ARHGAP15: variants seen among roughly 807,000 people sequenced by gnomAD.
ARHGAP15 encodes Rho GTPase activating protein 15.
A neutral mutation model predicts 63.7 loss-of-function variants in ARHGAP15; 51 were observed. The ratio of observed to expected loss-of-function variants is 0.80; its 90% CI spans 0.64 to 1.01. The LOEUF (loss-of-function observed/expected upper bound fraction) is 1.01, where lower values mean the gene tolerates loss of function less well. ARHGAP15 is among the 50% of genes least tolerant of loss of function. ARHGAP15 has a pLI of 0.00. For missense variants in ARHGAP15, 560 were observed against 564.6 expected, an observed-to-expected ratio of 0.99 and a Z score of 0.08; for synonymous variants, 191 against 193.8, an observed-to-expected ratio of 0.99 and a Z score of 0.12.
intron 8 of ARHGAP15, among the ~76,000 whole-genome samples, chr2:143,461,851 T>C (rs1055071620): frequency 6.6e-6 from 1 of 152,128 alleles, no homozygotes; most frequent in Non-Finnish European, 1.5e-5. Flanking sequence ...ATAGTTCCAA[T>C]AGGATTGGAG....
intron 13 of ARHGAP15, among the ~76,000 whole-genome samples, chr2:143,755,268 C>T (rs1159376255): frequency 3.1e-5 from 4 of 130,144 alleles, no homozygotes; most frequent in African/African-American, 9.8e-5. Context: ...GCTTTGCCAG[C>T]ATATATGGGG....
In ARHGAP15 at chr2:143,768,263, C is replaced by T; in HGVS notation, c.*91C>T. On this transcript the variant is annotated 3_prime_UTR_variant, in exon 14 of 14. Coordinates refer to ENST00000295095, the MANE Select transcript of ARHGAP15 (RefSeq NM_018460.4). The stretch of plus-strand genomic sequence containing the variant: ...AAACATATTTCTGAAATATTTTTTG[C>T]CTTTCAAGCGACAGATGCCTCATTT... The T allele has an allele frequency of 7.6e-7, 1 of 1,312,362 alleles. No homozygotes were observed. Among genetic ancestry groups the T allele is most frequent in the Non-Finnish European group, 1.0e-6 (1 of 970,446 alleles). The allele number at this position is 1,312,362 out of a possible 1,614,324, so 81.3% of individuals were successfully genotyped here. A position where few individuals can be genotyped will look rare whatever the true frequency, so the allele number is the denominator to read the frequency against.
At chr2:143,215,661 C>A (rs1384486515) in intron 3 of ARHGAP15, among the ~76,000 whole-genome samples, 1 of 152,122 alleles carries the variant, frequency 6.6e-6, no homozygotes, top group South Asian at 2.1e-4. Flanking sequence ...AATTAAAACA[C>A]CTAGTACAGA....
intron 12 of ARHGAP15, among the ~76,000 whole-genome samples, chr2:143,693,505 TA>T (rs1683706195): frequency 6.6e-6 from 1 of 152,202 alleles, no homozygotes; most frequent in African/African-American, 2.4e-5. Context: ...AATATATAAA[TA>T]TCTTTTTCAG....
chr2:143,153,837 T>C (rs12997366), intron 1 of ARHGAP15, among the ~76,000 whole-genome samples: 25,776 of 70,826 alleles, frequency 0.36, 3,869 homozygotes, highest in East Asian at 0.46. Flanking sequence ...CTTCTTCTTC[T>C]TCTTCTTCCT....
At chr2:143,556,035 T>TACAAATGTCTC (rs1165776005) in intron 10 of ARHGAP15, among the ~76,000 whole-genome samples, 1 of 152,040 alleles carries the variant, frequency 6.6e-6, no homozygotes, top group East Asian at 1.9e-4. Context: ...GCAAATGTCT[T>TACAAATGTCTC]ACAAATGTCT....
At chr2:143,697,733 A>G (rs1683915244) in intron 12 of ARHGAP15, among the ~76,000 whole-genome samples, 1 of 152,156 alleles carries the variant, frequency 6.6e-6, no homozygotes, top group Admixed American at 6.6e-5. Flanking sequence ...TGACTCCTCA[A>G]TGGGCAACTC....
At chr2:143,250,709 C>T (rs1332618188) in intron 6 of ARHGAP15, 109 bp downstream of exon 6, 9 of 844,180 alleles carry the variant, frequency 1.1e-5, no homozygotes, top group Admixed American at 5.1e-5. Flanking sequence ...TACATGAACT[C>T]GTTGTCTGAA....
chr2:143,461,973 CA>C (rs1421550447), intron 8 of ARHGAP15, among the ~76,000 whole-genome samples: 1 of 151,970 alleles, frequency 6.6e-6, no homozygotes, highest in Non-Finnish European at 1.5e-5. Flanking sequence ...GGCAACATGG[CA>C]AAACCCCATC....
In ARHGAP15 at chr2:143,428,447, A is replaced by G. The variant is rs138231650; in HGVS notation, c.475-7154A>G. On this transcript the variant is annotated intron_variant, in intron 6 of 13. Transcript: ENST00000295095. ...TATCAAGCAGAAGAATGGGATGATC[A>G]TATCCAAGTTTCAGAGGGATCACTT... Among the ~76,000 whole-genome samples the G allele has an allele frequency of 9.2e-5, 14 of 151,966 alleles. No individual in the cohort carries two copies. In the East Asian group the frequency reaches 2.7e-3, roughly 30 times the overall value.
At chr2:143,726,162 C>T (rs1249825580) in intron 13 of ARHGAP15, among the ~76,000 whole-genome samples, 1 of 152,150 alleles carries the variant, frequency 6.6e-6, no homozygotes, top group Non-Finnish European at 1.5e-5. Context: ...GGGTATTGGC[C>T]ATTTTCATAT....
In ARHGAP15 at chr2:143,288,622, C is replaced by CT. The variant is rs35206838; in HGVS notation, c.474+38035dup. Among the ~76,000 whole-genome samples the CT allele has an allele frequency of 2.1e-3, 303 of 145,118 alleles. 1 individual carries two copies. Among genetic ancestry groups the CT allele is most frequent in the South Asian group, 5.5e-3 (25 of 4,508 alleles). On this transcript the variant is annotated intron_variant, in intron 6 of 13. Transcript: ENST00000295095. ...TCATTCCCTTAGATTCCTCGGGACA[C>CT]TTTTTTTTTTTTTGTCTGCAGACAC...
intron 2 of ARHGAP15, among the ~76,000 whole-genome samples, chr2:143,157,361 AT>A (rs1690121861): frequency 6.6e-6 from 1 of 151,820 alleles, no homozygotes; most frequent in South Asian, 2.1e-4. Flanking sequence ...CAAAATTAGC[AT>A]TTTTCACTTT....
chr2:143,454,772 G>A (rs1003645749), intron 8 of ARHGAP15, among the ~76,000 whole-genome samples: 1 of 152,006 alleles, frequency 6.6e-6, no homozygotes, highest in African/African-American at 2.4e-5. Flanking sequence ...GTGAATGAGG[G>A]AAGACAAAAT....
At chr2:143,190,453 G>A (rs1691637195) in intron 2 of ARHGAP15, among the ~76,000 whole-genome samples, 1 of 152,156 alleles carries the variant, frequency 6.6e-6, no homozygotes. Context: ...GACATATCTG[G>A]GAGGTTGACT....
chr2:143,299,157 A>G (rs1682781683), intron 6 of ARHGAP15, among the ~76,000 whole-genome samples: 1 of 150,318 alleles, frequency 6.7e-6, no homozygotes, highest in African/African-American at 2.4e-5. Flanking sequence ...TCTAAAAAAT[A>G]ATGAAGGATT....
rs984862072 is a variant in ARHGAP15, at chr2:143,745,108, C to T, written c.1245-22881C>T. ...CCTTCTTTCTATACTCACTTAAGGGCAACGTGGCTCAAAACCCCCAGGAGC... is the reference window on the plus strand; with the variant it reads ...CCTTCTTTCTATACTCACTTAAGGGTAACGTGGCTCAAAACCCCCAGGAGC... On this transcript the variant is annotated intron_variant, in intron 13 of 13. Coordinates refer to ENST00000295095, the MANE Select transcript of ARHGAP15 (RefSeq NM_018460.4). 4.6e-5 allele frequency among the ~76,000 whole-genome samples: 7 copies of T among 152,316 alleles called. No individual in the cohort carries two copies. The East Asian group carries it at 1.3e-3, about 29-fold the overall frequency.
chr2:143,159,214 T>C lies in ARHGAP15; in HGVS notation c.165+3559T>C, dbSNP rs140104398. ...ATTAACATACAAGATTCCTTTTACT[T>C]CCATTAACAGATTGTTTGTTCAGTT... On this transcript the variant is annotated intron_variant, in intron 2 of 13. Coordinates refer to ENST00000295095, the MANE Select transcript of ARHGAP15 (RefSeq NM_018460.4). 7.5e-3 allele frequency among the ~76,000 whole-genome samples: 1,136 copies of C among 151,996 alleles called. 17 individuals are homozygous for C. The highest frequency in any genetic ancestry group is 0.026 in the African/African-American group (1,099 of 41,520).
intron 11 of ARHGAP15, among the ~76,000 whole-genome samples, chr2:143,618,314 G>A (rs755803970): frequency 2.0e-5 from 3 of 152,094 alleles, no homozygotes; most frequent in Non-Finnish European, 4.4e-5. Flanking sequence ...TGATTTTAGG[G>A]CCAAACATAT....
Sources: gnomAD v4.1 joint callset for allele counts (sites outside exome capture counted in the v4.1 genomes callset) on GRCh38, gnomAD v4.1.1 for gene constraint, MANE v1.5 for transcripts, NCBI Gene and HGNC (gene_info 2026-07-23, HGNC 2026-07-21) for gene names.